Variants in WDFY3 observed in about 807,000 individuals in gnomAD.
WDFY3 encodes the protein WD repeat and FYVE domain-containing protein 3.
Under a neutral mutation model 409.6 loss-of-function variants are expected in WDFY3, and 66 were observed. The ratio of observed to expected loss-of-function variants is 0.16; its 90% CI spans 0.13 to 0.20. The LOEUF is 0.20. WDFY3 is among the 10% of genes least tolerant of loss of function. WDFY3 has a pLI of 1.00. For synonymous variants in WDFY3, 1,521 were observed against 1,537.1 expected, an observed-to-expected ratio of 0.99 and a Z score of 0.25; for missense variants, 3,031 against 4,298.1, an observed-to-expected ratio of 0.71 and a Z score of 8.24.
chr4:84,824,910 C>G (rs1163333192), intron 10 of WDFY3, among the ~76,000 whole-genome samples: 1 of 152,080 alleles, frequency 6.6e-6, no homozygotes, highest in African/African-American at 2.4e-5. Context: ...TAGCTTCACC[C>G]ATTCACTTTA....
intron 27 of WDFY3, among the ~76,000 whole-genome samples, chr4:84,775,855 T>C (rs1247318205): frequency 9.9e-5 from 15 of 151,796 alleles, no homozygotes; most frequent in Non-Finnish European, 1.5e-5. Context: ...CAACTAGAAC[T>C]CTATTCCATG....
In WDFY3 at chr4:84,860,460, C is replaced by G. The variant is rs1760447311; in HGVS notation, c.132G>C (p.Gln44His). ...TATACAGTTTCTCTTCTTGTTCCTT[C>G]TGAGTCATGTGCCGGGGAGGATGGC... ...ELCHPPRHMT[Q>H]KEQEEKLYMM... is the part of the protein sequence containing the mutation. The change falls in exon 4 of 68, where the codon CAG (glutamine) becomes CAC (histidine). Residue 44 changes from glutamine to histidine, a missense_variant. Gln to His is a conservative substitution (Grantham distance 24). Coordinates refer to ENST00000295888, the MANE Select transcript of WDFY3 (RefSeq NM_014991.6). 1 of 1,614,062 alleles carries G rather than the reference C, an allele frequency of 6.2e-7. No individual in the cohort carries two copies. The highest frequency in any genetic ancestry group is 1.3e-5 in the African/African-American group (1 of 74,942).
chr4:84,941,653 C>T (rs1772145990), intron 1 of WDFY3, among the ~76,000 whole-genome samples: 1 of 151,986 alleles, frequency 6.6e-6, no homozygotes, highest in Admixed American at 6.5e-5. Flanking sequence ...TTAGAGTAGA[C>T]TTTCGTTTTT....
intron 3 of WDFY3, among the ~76,000 whole-genome samples, chr4:84,862,254 C>T (rs1334170945): frequency 6.6e-6 from 1 of 152,124 alleles, no homozygotes; most frequent in Non-Finnish European, 1.5e-5. Context: ...ACAAATTCTG[C>T]CTAGAACTCT....
At chr4:84,768,567 A>G (rs1423933628) in intron 30 of WDFY3, among the ~76,000 whole-genome samples, 5 of 152,192 alleles carry the variant, frequency 3.3e-5, no homozygotes, top group East Asian at 1.9e-4. Flanking sequence ...ATCTGCTTAC[A>G]GTACGGTTTA....
intron 1 of WDFY3, among the ~76,000 whole-genome samples, chr4:84,933,698 G>A (rs1049519676): frequency 6.6e-6 from 1 of 151,544 alleles, no homozygotes; most frequent in African/African-American, 2.4e-5. Flanking sequence ...CCAGCTTCTG[G>A]TAACCATCAC....
At chr4:84,867,467 C>T (rs944350953) in intron 3 of WDFY3, among the ~76,000 whole-genome samples, 7 of 152,156 alleles carry the variant, frequency 4.6e-5, no homozygotes, top group African/African-American at 1.7e-4. Context: ...TAAGAACTGG[C>T]TTTCTAATAC....
intron 36 of WDFY3, among the ~76,000 whole-genome samples, chr4:84,746,233 A>C (rs1397196311): frequency 6.6e-6 from 1 of 151,340 alleles, no homozygotes; most frequent in African/African-American, 2.4e-5. Context: ...GGGAGGATTG[A>C]TTGACCTCAG....
intron 45 of WDFY3, among the ~76,000 whole-genome samples, chr4:84,725,283 T>C (rs1735483165): frequency 6.6e-6 from 1 of 152,174 alleles, no homozygotes; most frequent in Non-Finnish European, 1.5e-5. Context: ...GATCCATAAC[T>C]AACTCAACTA....
intron 62 of WDFY3, 122 bp from the exon 63 acceptor site, chr4:84,684,247 A>AT: frequency 2.3e-6 from 2 of 865,136 alleles, no homozygotes; most frequent in Non-Finnish European, 3.2e-6. Flanking sequence ...ACTAGTGGCT[A>AT]ATTTCTTAGG....
intron 44 of WDFY3, among the ~76,000 whole-genome samples, chr4:84,730,246 C>A (rs1421028381): frequency 6.6e-6 from 1 of 152,030 alleles, no homozygotes; most frequent in African/African-American, 2.4e-5. Context: ...AATTCGAGGC[C>A]ATTTTAGTGG....
chr4:84,699,726 T>G (rs35617206), intron 56 of WDFY3, among the ~76,000 whole-genome samples: 14,850 of 151,974 alleles, frequency 0.098, 997 homozygotes, highest in Middle Eastern at 0.17. Context: ...GTTTTTCAGT[T>G]CCCCCCACCC....
intron 62 of WDFY3, among the ~76,000 whole-genome samples, chr4:84,686,339 AAAAAAC>A (rs948269533): frequency 6.6e-6 from 1 of 151,920 alleles, no homozygotes; most frequent in Non-Finnish European, 1.5e-5. Flanking sequence ...ATAAAACCCC[AAAAAAC>A]AAAAACAAAA....
intron 1 of WDFY3, among the ~76,000 whole-genome samples, chr4:84,946,265 G>A (rs1772817228): frequency 6.6e-6 from 1 of 152,184 alleles, no homozygotes. Flanking sequence ...TAAAACTAAG[G>A]ACTGTGGCCA....
intron 36 of WDFY3, among the ~76,000 whole-genome samples, chr4:84,747,315 T>G (rs935558158): frequency 1.3e-5 from 2 of 152,206 alleles, no homozygotes; most frequent in African/African-American, 4.8e-5. Context: ...GTTTCTGTAA[T>G]GGGCTGGAAG....
At position 84,718,588 on chromosome 4, in the gene WDFY3, A is replaced by G; in HGVS notation, c.7606-18T>C. ...TGTTGGATCTATAAAGAAGCCCACAAACATTCATTAATATAGGCTTTTTGT... is the reference window on the plus strand; with the variant it reads ...TGTTGGATCTATAAAGAAGCCCACAGACATTCATTAATATAGGCTTTTTGT... On this transcript the variant is annotated intron_variant, in intron 47 of 67. Transcript: ENST00000295888. 3 of 1,601,832 alleles carry G rather than the reference A, an allele frequency of 1.9e-6. No individual in the cohort carries two copies. Among genetic ancestry groups the G allele is most frequent in the South Asian group, 1.1e-5 (1 of 89,120 alleles).
intron 2 of WDFY3, among the ~76,000 whole-genome samples, chr4:84,927,143 AAAC>A (rs1770105098): frequency 6.6e-6 from 1 of 152,246 alleles, no homozygotes; most frequent in Non-Finnish European, 1.5e-5. Flanking sequence ...AATAATAATT[AAAC>A]AACTACTTAT....
At chr4:84,773,206 A>G (rs1744974210) in intron 29 of WDFY3, among the ~76,000 whole-genome samples, 2 of 152,114 alleles carry the variant, frequency 1.3e-5, no homozygotes, top group East Asian at 3.9e-4. Context: ...TTCTTATCTT[A>G]ACTAGCCTTT....
intron 1 of WDFY3, among the ~76,000 whole-genome samples, chr4:84,958,083 G>T (rs980586070): frequency 6.6e-6 from 1 of 152,048 alleles, no homozygotes; most frequent in African/African-American, 2.4e-5. Flanking sequence ...CATTTCTTGC[G>T]CATAAGATTA....
Sources: gnomAD v4.1 joint callset for allele counts (sites outside exome capture counted in the v4.1 genomes callset) on GRCh38, gnomAD v4.1.1 for gene constraint, MANE v1.5 for transcripts, NCBI Gene and HGNC (gene_info 2026-07-23, HGNC 2026-07-21) for gene names.